The following MME variants were observed in gnomAD, a reference collection of about 807,000 sequenced individuals.
The protein encoded by MME is neprilysin.
A neutral mutation model predicts 113.2 loss-of-function variants in MME; 98 were observed. The ratio of observed to expected loss-of-function variants is 0.87; its 90% confidence interval spans 0.74 to 1.02. The LOEUF is 1.02. MME is among the 50% of genes least tolerant of loss of function. MME has a pLI of 0.00. For synonymous variants in MME, 292 were observed against 300.6 expected, an observed-to-expected ratio of 0.97 and a Z score of 0.30; for missense variants, 836 against 896.0, an observed-to-expected ratio of 0.93 and a Z score of 0.86.
At chr3:155,072,549 T>C (rs1214802850) in intron 1 of MME, among the ~76,000 whole-genome samples, 1 of 152,244 alleles carries the variant, frequency 6.6e-6, no homozygotes, top group Non-Finnish European at 1.5e-5. Context: ...CTGTGTAGTT[T>C]AGCTGCAGTT....
At chr3:155,067,058 T>C (rs982613424) in intron 1 of MME, among the ~76,000 whole-genome samples, 3 of 152,102 alleles carry the variant, frequency 2.0e-5, no homozygotes, top group African/African-American at 7.2e-5. Flanking sequence ...GCAGAATATT[T>C]AGGTTGGATT....
At chr3:155,078,291 G>A (rs2108150428), upstream of MME, among the ~76,000 whole-genome samples, 2 of 152,264 alleles carry the variant, frequency 1.3e-5, no homozygotes, top group Middle Eastern at 3.4e-3. Flanking sequence ...TTGTGGGAGT[G>A]AAAACACCAA....
chr3:155,050,031 G>A (rs1009816493), intron 1 of MME, among the ~76,000 whole-genome samples: 19 of 151,986 alleles, frequency 1.3e-4, no homozygotes, highest in Non-Finnish European at 2.5e-4. Flanking sequence ...TCTCCTCTTT[G>A]TGTCCATGTG....
chr3:155,146,587 A>C (rs1403043540), intron 14 of MME, among the ~76,000 whole-genome samples: 2 of 152,142 alleles, frequency 1.3e-5, no homozygotes, highest in Non-Finnish European at 2.9e-5. Flanking sequence ...ATAACAAGGA[A>C]AACCTCGTTT....
intron 1 of MME, among the ~76,000 whole-genome samples, chr3:155,060,708 C>G (rs146022014): frequency 6.6e-5 from 10 of 151,840 alleles, no homozygotes; most frequent in Non-Finnish European, 1.5e-4. Context: ...ACGTGTTTCT[C>G]ACAGTTCTGG....
intron 4 of MME, among the ~76,000 whole-genome samples, chr3:155,115,773 T>C (rs1458791077): frequency 6.6e-6 from 1 of 152,128 alleles, no homozygotes; most frequent in Non-Finnish European, 1.5e-5. Flanking sequence ...AATTAAATGA[T>C]TGGCACAGAA....
At chr3:155,178,383 T>C (rs1712767156) in intron 22 of MME, among the ~76,000 whole-genome samples, 2 of 152,162 alleles carry the variant, frequency 1.3e-5, no homozygotes, top group Non-Finnish European at 2.9e-5. Context: ...GGATCTCTCT[T>C]TTCTGGAATG....
intron 16 of MME, among the ~76,000 whole-genome samples, chr3:155,151,702 A>C (rs1721947467): frequency 6.6e-6 from 1 of 152,124 alleles, no homozygotes; most frequent in Non-Finnish European, 1.5e-5. Flanking sequence ...CATTTTAATC[A>C]TCCTAGACTT....
intron 3 of MME, among the ~76,000 whole-genome samples, chr3:155,107,909 A>G (rs781753909): frequency 2.2e-4 from 34 of 152,350 alleles, no homozygotes; most frequent in African/African-American, 6.7e-4. Flanking sequence ...AGTGCTATGT[A>G]GTGTTTTGAA....
intron 14 of MME, among the ~76,000 whole-genome samples, chr3:155,145,057 A>G (rs899862152): frequency 6.6e-6 from 1 of 152,140 alleles, no homozygotes; most frequent in African/African-American, 2.4e-5. Context: ...AAGATAATCA[A>G]CCTTGGTCTA....
At chr3:155,180,339 C>CT in intron 22 of MME, 21 bp from the exon 23 acceptor site, 2 of 1,597,244 alleles carry the variant, frequency 1.3e-6, no homozygotes, top group Non-Finnish European at 1.7e-6. Flanking sequence ...CTGACGGTGA[C>CT]TTTTTTTGTT....
chr3:155,116,042 G>A (rs1279345176), intron 4 of MME, among the ~76,000 whole-genome samples: 2 of 151,966 alleles, frequency 1.3e-5, no homozygotes, highest in Admixed American at 6.6e-5. Flanking sequence ...TTTGGAGCAT[G>A]AACGGTACAG....
intron 11 of MME, 38 bp downstream of exon 11, chr3:155,142,165 A>G (rs1159108722): frequency 2.5e-6 from 4 of 1,613,560 alleles, no homozygotes; most frequent in Non-Finnish European, 3.4e-6. Flanking sequence ...CAAAGTTTGC[A>G]TTTCATATCA....
chr3:155,038,164 C>G (rs1713187482), intron 1 of MME, among the ~76,000 whole-genome samples: 1 of 152,074 alleles, frequency 6.6e-6, no homozygotes, highest in Non-Finnish European at 1.5e-5. Flanking sequence ...AATGTCACCT[C>G]ACCTATATCA....
chr3:155,093,517 C>G (rs1320905986), intron 3 of MME, among the ~76,000 whole-genome samples: 1 of 152,120 alleles, frequency 6.6e-6, no homozygotes, highest in African/African-American at 2.4e-5. Flanking sequence ...GTTGGTTTTT[C>G]ACACAGGTGC....
At chr3:155,078,659 A>ATGTG (rs5853711), upstream of MME, among the ~76,000 whole-genome samples, 7,548 of 141,852 alleles carry the variant, frequency 0.053, 203 homozygotes, top group African/African-American at 0.07. Context: ...ATGTGTGTGT[A>ATGTG]TGTGTGTGTG....
intron 1 of MME, among the ~76,000 whole-genome samples, chr3:155,053,078 T>C (rs921964573): frequency 1.3e-5 from 2 of 152,204 alleles, no homozygotes; most frequent in Non-Finnish European, 2.9e-5. Context: ...GATTTTGCTG[T>C]TGATATTACT....
intron 3 of MME, among the ~76,000 whole-genome samples, chr3:155,100,010 A>C (rs1717067687): frequency 1.3e-5 from 2 of 152,224 alleles, no homozygotes; most frequent in Non-Finnish European, 2.9e-5. Flanking sequence ...TCATGTCTAA[A>C]ACACCAAAAG....
intron 7 of MME, 89 bp from the exon 8 acceptor site, chr3:155,118,657 T>G: frequency 1.2e-6 from 1 of 861,002 alleles, no homozygotes; most frequent in Non-Finnish European, 1.9e-6. Context: ...AGTAGGATCT[T>G]TCACATACAT....
Sources: allele counts gnomAD v4.1 joint callset (sites outside exome capture counted in the v4.1 genomes callset), GRCh38; gene constraint gnomAD v4.1.1; transcripts MANE v1.5; gene names NCBI Gene and HGNC (gene_info 2026-07-23, HGNC 2026-07-21).